BOC: variants seen among roughly 807,000 people sequenced by gnomAD.
BOC encodes the protein BOC cell adhesion associated, oncogene regulated.
In BOC, 76 loss-of-function variants were observed where a neutral mutation model predicts 112.0. That is an observed-to-expected ratio of 0.68 (90% CI 0.56 to 0.82). BOC has a LOEUF of 0.82. Ranked by LOEUF, BOC falls within the 40% of genes least tolerant of loss-of-function variation. The pLI, the probability that BOC is intolerant of heterozygous loss-of-function variation, is 0.00. For synonymous variants in BOC, 580 were observed against 599.8 expected (o/e 0.97, Z 0.48); for missense variants, 1,309 against 1,511.7 (o/e 0.87, Z 2.22).
rs891588077 is a variant in BOC at position 113,280,527 on chromosome 3, T to C, written c.2206-31T>C. 4.0e-6 allele frequency: 6 copies of C among 1,486,996 alleles called. No individual in the cohort carries two copies. The Admixed American group carries it at 5.0e-5, about 12-fold the overall frequency. 92.1% of individuals were successfully genotyped at this position (1,486,996 alleles called of 1,614,324 possible). ...CTTTGATGATGTTTTCTCTGCCCATTGTCAACTTGTTTCTTCTCCATTCCC... is the reference window on the plus strand; with the variant it reads ...CTTTGATGATGTTTTCTCTGCCCATCGTCAACTTGTTTCTTCTCCATTCCC... On this transcript the variant is annotated intron_variant, in intron 13 of 19. Coordinates refer to ENST00000682979, the MANE Select transcript of BOC (RefSeq NM_001378074.1).
intron 2 of BOC, among the ~76,000 whole-genome samples, chr3:113,222,545 G>T (rs1480891075): frequency 6.6e-6 from 1 of 152,202 alleles, no homozygotes; most frequent in African/African-American, 2.4e-5. Context: ...CTTCCTCAAG[G>T]TAACTGCCCT....
chr3:113,275,290 G>T (rs1948543983), intron 9 of BOC, among the ~76,000 whole-genome samples: 1 of 152,230 alleles, frequency 6.6e-6, no homozygotes, highest in African/African-American at 2.4e-5. Context: ...TTGACAGAAG[G>T]AAGTCTGTCC....
At chr3:113,261,632 T>C (rs1946887020) in intron 4 of BOC, 1 of 152,208 alleles carries the variant, frequency 6.6e-6, no homozygotes, top group Non-Finnish European at 1.5e-5. Context: ...TTTTTAAAAA[T>C]GAAGTATTTT....
intron 1 of BOC, among the ~76,000 whole-genome samples, chr3:113,213,042 G>A (rs965203830): frequency 6.6e-6 from 1 of 152,122 alleles, no homozygotes; most frequent in African/African-American, 2.4e-5. Context: ...TTTGGGGATG[G>A]GGGTGGCAGT....
intron 1 of BOC, among the ~76,000 whole-genome samples, chr3:113,215,633 C>CATTATAGT (rs1939213871): frequency 6.6e-6 from 1 of 152,188 alleles, no homozygotes; most frequent in Non-Finnish European, 1.5e-5. Context: ...GTGACCATCC[C>CATTATAGT]ACCCATTCTC....
chr3:113,250,458 C>G, intron 3 of BOC, 97 bp from the exon 4 acceptor site: 2 of 1,413,948 alleles, frequency 1.4e-6, no homozygotes, highest in Non-Finnish European at 1.9e-6. Flanking sequence ...CTCTGGTGGC[C>G]ACTTCTGGAA....
At chr3:113,248,167 A>C (rs1488845260) in intron 2 of BOC, among the ~76,000 whole-genome samples, 2 of 151,848 alleles carry the variant, frequency 1.3e-5, no homozygotes, top group Admixed American at 1.3e-4. Flanking sequence ...GGCCCTCCTC[A>C]CTCCCTCTGC....
intron 15 of BOC, 46 bp downstream of exon 15, chr3:113,281,199 G>C: frequency 6.2e-7 from 1 of 1,605,392 alleles, no homozygotes; most frequent in Non-Finnish European, 8.5e-7. Flanking sequence ...TTTCCAGCGA[G>C]GGAAGGCAGA....
At chr3:113,264,964 GC>G (rs1427739880) in intron 4 of BOC, among the ~76,000 whole-genome samples, 17 of 152,304 alleles carry the variant, frequency 1.1e-4, no homozygotes, top group South Asian at 4.1e-4. Context: ...GCCTGCACAG[GC>G]TGTTGTGCAC....
chr3:113,214,520 A>G (rs543688808), intron 1 of BOC, among the ~76,000 whole-genome samples: 4 of 152,360 alleles, frequency 2.6e-5, no homozygotes. Flanking sequence ...GTGTCTTTCA[A>G]ACTACAACAG....
At chr3:113,244,076 G>T (rs955699668) in intron 2 of BOC, among the ~76,000 whole-genome samples, 2 of 152,194 alleles carry the variant, frequency 1.3e-5, no homozygotes, top group African/African-American at 4.8e-5. Context: ...GTAGTGACAC[G>T]TGAAGTTCAC....
intron 2 of BOC, among the ~76,000 whole-genome samples, chr3:113,217,234 G>A (rs1249000823): frequency 6.6e-6 from 1 of 152,216 alleles, no homozygotes; most frequent in East Asian, 1.9e-4. Context: ...AAGACTTCTT[G>A]GCCTGGCAGA....
intron 19 of BOC, 48 bp downstream of exon 19, chr3:113,285,613 A>G (rs564142317): frequency 2.7e-6 from 4 of 1,473,932 alleles, no homozygotes; most frequent in Admixed American, 2.4e-5. Flanking sequence ...TGGGGGTGAC[A>G]TGAGGTAGGC....
rs1057349634 is a variant in BOC at position 113,285,456 on chromosome 3, C to T, written c.3051C>T (p.His1017=). ...CTCACCAGCTGCTGCAGCCCCATCACGACTGCTGCCAACGCCAGGAGCAGC... is the reference window on the plus strand; with the variant it reads ...CTCACCAGCTGCTGCAGCCCCATCATGACTGCTGCCAACGCCAGGAGCAGC... ...DSTHQLLQPH[H]DCCQRQEQPA... Residue 1017 remains histidine, a synonymous_variant, in exon 19 of 20, where the codon CAC becomes CAT. Transcript: ENST00000682979. 15 of 1,613,938 alleles carry T rather than the reference C, an allele frequency of 9.3e-6. No individual in the cohort carries two copies. Among genetic ancestry groups the T allele is most frequent in the Admixed American group, 3.3e-5 (2 of 60,006 alleles).
intron 4 of BOC, among the ~76,000 whole-genome samples, chr3:113,255,393 G>A (rs1946124746): frequency 6.6e-6 from 1 of 152,136 alleles, no homozygotes; most frequent in Admixed American, 6.5e-5. Flanking sequence ...AGTCACAACC[G>A]ACTCATCAGA....
chr3:113,280,583 C>A lies in BOC; in HGVS notation c.2231C>A (p.Thr744Asn), dbSNP rs148436082. 56 of 1,611,638 alleles carry A rather than the reference C, an allele frequency of 3.5e-5. No individual in the cohort carries two copies. In the African/African-American group the frequency reaches 6.7e-4, roughly 19 times the overall value. ...WMYIPASNNN[T>N]PIHGFYIYYR... ...TACATCCCAGCAAGTAACAACAACACCCCAATCCATGGCTTTTATATCTAT... is the reference window on the plus strand; with the variant it reads ...TACATCCCAGCAAGTAACAACAACAACCCAATCCATGGCTTTTATATCTAT... The change falls in exon 14 of 20, where the codon ACC becomes AAC. Residue 744 changes from threonine to asparagine, a missense_variant. Coordinates refer to ENST00000682979, the MANE Select transcript of BOC (RefSeq NM_001378074.1).
At position 113,278,811 on chromosome 3, in the gene BOC, C is replaced by G. The variant is rs1159619744; in HGVS notation, c.1816+28C>G. The G allele has an allele frequency of 6.5e-7, 1 of 1,542,802 alleles. No homozygotes were observed. Among genetic ancestry groups the G allele is most frequent in the Non-Finnish European group, 8.8e-7 (1 of 1,139,314 alleles). On this transcript the variant is annotated intron_variant, in intron 11 of 19. Transcript: ENST00000682979. This position sits in a 1 kb window ranked among gnomAD's most constrained non-coding sequence, Gnocchi z 4.2. Reference sequence around the variant, plus strand: ...AAGCCGCTAGCAGCAGGGACGGACGCGCAGTCAGGACTGGAACTGCCTCAG... The same window carrying G: ...AAGCCGCTAGCAGCAGGGACGGACGGGCAGTCAGGACTGGAACTGCCTCAG...
At chr3:113,281,632 T>C (rs1007898381) in intron 15 of BOC, among the ~76,000 whole-genome samples, 12 of 152,238 alleles carry the variant, frequency 7.9e-5, no homozygotes, top group African/African-American at 2.9e-4. Flanking sequence ...TTAAAACATG[T>C]TAAACATAGT....
chr3:113,251,102 A>G (rs548579271), intron 4 of BOC: 2 of 595,752 alleles, frequency 3.4e-6, no homozygotes, highest in African/African-American at 3.7e-5. Flanking sequence ...AGAACTTGAC[A>G]TGGCAGAACT....
Sources: allele counts gnomAD v4.1 joint callset (sites outside exome capture counted in the v4.1 genomes callset), GRCh38; gene constraint gnomAD v4.1.1; non-coding constraint Gnocchi (gnomAD v3.1); transcripts MANE v1.5; gene names NCBI Gene and HGNC (gene_info 2026-07-23, HGNC 2026-07-21).